LHFPL3: variants seen among roughly 807,000 people sequenced by gnomAD.
The protein encoded by LHFPL3 is LHFPL tetraspan subfamily member 3 protein.
In LHFPL3, 5 loss-of-function variants were observed where a neutral mutation model predicts 19.3. The ratio of observed to expected loss-of-function variants is 0.26; its 90% CI spans 0.14 to 0.54. The LOEUF is 0.54. Ranked by LOEUF, LHFPL3 falls within the 20% of genes least tolerant of loss-of-function variation. LHFPL3 has a pLI of 0.94. For synonymous variants in LHFPL3, 133 were observed against 126.2 expected (o/e 1.05, Z -0.36); for missense variants, 249 against 307.4 (o/e 0.81, Z 1.42).
chr7:104,573,948 G>A (rs1375916459), intron 1 of LHFPL3, among the ~76,000 whole-genome samples: 1 of 152,146 alleles, frequency 6.6e-6, no homozygotes, highest in African/African-American at 2.4e-5. Flanking sequence ...GTACACAAAA[G>A]AGCACAAATT....
At chr7:104,346,992 G>A (rs1584603460) in intron 1 of LHFPL3, among the ~76,000 whole-genome samples, 1 of 150,406 alleles carries the variant, frequency 6.6e-6, no homozygotes, top group African/African-American at 2.4e-5. Flanking sequence ...CTTTTACAGG[G>A]TAATTGTATG....
chr7:104,581,240 T>G (rs1039041711), intron 1 of LHFPL3, among the ~76,000 whole-genome samples: 2 of 152,084 alleles, frequency 1.3e-5, no homozygotes, highest in African/African-American at 2.4e-5. Context: ...TGTAGTGATA[T>G]CTCACTGTGT....
At position 104,427,877 on chromosome 7, in the gene LHFPL3, GTTTT is replaced by G. The variant is rs745916676; in HGVS notation, c.445+98655_445+98658del. On this transcript the variant is annotated intron_variant, in intron 1 of 2. Transcript: ENST00000424859. ...ACAACTCAAAACACCTCGTGCATCA[GTTTT>G]TGCTGGTGATGAGCATCAGGAATGA... is the stretch of plus-strand genomic sequence containing the variant. Among the ~76,000 whole-genome samples the G allele has an allele frequency of 2.7e-3, 404 of 152,340 alleles. 12 individuals carry two copies. Among genetic ancestry groups the G allele is most frequent in the Admixed American group, 0.023 (351 of 15,300 alleles).
chr7:104,675,126 A>T (rs1302952452), intron 1 of LHFPL3, among the ~76,000 whole-genome samples: 2 of 152,380 alleles, frequency 1.3e-5, no homozygotes, highest in East Asian at 3.9e-4. Context: ...CAGAGTGGGA[A>T]GGAATCTCCA....
intron 1 of LHFPL3, among the ~76,000 whole-genome samples, chr7:104,509,121 A>T (rs1162847893): frequency 6.6e-6 from 1 of 152,088 alleles, no homozygotes; most frequent in Non-Finnish European, 1.5e-5. Context: ...ACTCCCCTGT[A>T]TAAGAAATTG....
At chr7:104,586,997 G>C (rs999880651) in intron 1 of LHFPL3, among the ~76,000 whole-genome samples, 1 of 152,088 alleles carries the variant, frequency 6.6e-6, no homozygotes, top group African/African-American at 2.4e-5. Flanking sequence ...GTATATGAGT[G>C]TGAAACAAAG....
At chr7:104,627,759 T>C (rs1266057304) in intron 1 of LHFPL3, among the ~76,000 whole-genome samples, 1 of 152,182 alleles carries the variant, frequency 6.6e-6, no homozygotes, top group Non-Finnish European at 1.5e-5. Context: ...TTGCACACTG[T>C]AGCTGCTGTG....
At chr7:104,583,559 C>A (rs4730024) in intron 1 of LHFPL3, among the ~76,000 whole-genome samples, 60 of 152,212 alleles carry the variant, frequency 3.9e-4, no homozygotes, top group African/African-American at 1.4e-3. Context: ...GCAACCTACT[C>A]ATCTGACAAA....
At chr7:104,544,472 C>T (rs745756160) in intron 1 of LHFPL3, among the ~76,000 whole-genome samples, 9 of 152,168 alleles carry the variant, frequency 5.9e-5, no homozygotes, top group Non-Finnish European at 7.3e-5. Flanking sequence ...TTTCATGAGA[C>T]ATCTGTTGTC....
chr7:104,835,698 A>G (rs1189248623), intron 2 of LHFPL3, among the ~76,000 whole-genome samples: 1 of 151,930 alleles, frequency 6.6e-6, no homozygotes, highest in African/African-American at 2.4e-5. Flanking sequence ...TCATATTGAA[A>G]ATGGCTCACT....
At chr7:104,902,899 G>A (rs537286548) in intron 2 of LHFPL3, among the ~76,000 whole-genome samples, 1 of 152,284 alleles carries the variant, frequency 6.6e-6, no homozygotes, top group African/African-American at 2.4e-5. Flanking sequence ...GTTGATGAAT[G>A]ACCTGTTAGG....
chr7:104,562,607 C>T lies in LHFPL3; in HGVS notation c.446-174068C>T, dbSNP rs1790030732. On this transcript the variant is annotated intron_variant, in intron 1 of 2. Transcript: ENST00000424859. ...TTCTAAATTTTTTTCAAGTTTTCAA[C>T]TTCTTTGCCTTTGGTTTGAATGTCC... Among the ~76,000 whole-genome samples the T allele has an allele frequency of 2.6e-5, 4 of 151,958 alleles. No individual in the cohort carries two copies. In the South Asian group the frequency reaches 6.2e-4, roughly 24 times the overall value.
At chr7:104,851,718 T>C (rs941563729) in intron 2 of LHFPL3, among the ~76,000 whole-genome samples, 1 of 152,158 alleles carries the variant, frequency 6.6e-6, no homozygotes, top group East Asian at 1.9e-4. Context: ...TTTCTTTGGA[T>C]GTACCCCAAG....
At chr7:104,805,273 G>C (rs1273815295) in intron 2 of LHFPL3, among the ~76,000 whole-genome samples, 5 of 152,294 alleles carry the variant, frequency 3.3e-5, no homozygotes, top group Non-Finnish European at 7.4e-5. Context: ...CATCCCTTAA[G>C]TTCAACTACT....
chr7:104,695,535 A>C (rs1440879724), intron 1 of LHFPL3, among the ~76,000 whole-genome samples: 3 of 152,200 alleles, frequency 2.0e-5, no homozygotes, highest in Non-Finnish European at 4.4e-5. Context: ...AAATATCCTA[A>C]TTTGTAAACA....
intron 1 of LHFPL3, among the ~76,000 whole-genome samples, chr7:104,558,149 G>A (rs1401175005): frequency 1.3e-5 from 2 of 151,168 alleles, no homozygotes; most frequent in Non-Finnish European, 3.0e-5. Flanking sequence ...ACGTGTGCAT[G>A]TGTCTTTATA....
intron 1 of LHFPL3, among the ~76,000 whole-genome samples, chr7:104,589,910 A>G (rs971249724): frequency 1.3e-5 from 2 of 152,094 alleles, no homozygotes; most frequent in East Asian, 1.9e-4. Context: ...AGAGGTGTTT[A>G]TAGTATTCTC....
chr7:104,529,180 G>A (rs939002371), intron 1 of LHFPL3, among the ~76,000 whole-genome samples: 1 of 152,062 alleles, frequency 6.6e-6, no homozygotes, highest in African/African-American at 2.4e-5. Flanking sequence ...CAATGACTAT[G>A]GTCAGAAGAA....
At chr7:104,416,722 A>G (rs1467376576) in intron 1 of LHFPL3, among the ~76,000 whole-genome samples, 1 of 152,258 alleles carries the variant, frequency 6.6e-6, no homozygotes, top group Non-Finnish European at 1.5e-5. Context: ...AATTATGAGT[A>G]TTAAAGTACG....
Sources: gnomAD v4.1 joint callset for allele counts (sites outside exome capture counted in the v4.1 genomes callset) on GRCh38, gnomAD v4.1.1 for gene constraint, MANE v1.5 for transcripts, NCBI Gene and HGNC (gene_info 2026-07-23, HGNC 2026-07-21) for gene names.